The following CSNK2A2IP variants were observed in gnomAD, a reference collection of about 807,000 sequenced individuals.
The protein encoded by CSNK2A2IP is casein kinase 2 subunit alpha' interacting protein.
the CSNK2A2IP span, among the ~76,000 whole-genome samples, chr3:88,349,082 T>G: frequency 6.6e-6 from 1 of 152,158 alleles, no homozygotes; most frequent in African/African-American, 2.4e-5. Flanking sequence ...TCTCCCCCTT[T>G]CCATTCTTTT....
chr3:88,385,731 T>C, the CSNK2A2IP span, among the ~76,000 whole-genome samples: 3 of 152,326 alleles, frequency 2.0e-5, no homozygotes, highest in South Asian at 4.1e-4. Flanking sequence ...TTGAAATCTG[T>C]GGCTTTAGCT....
At chr3:88,460,726 T>A in the CSNK2A2IP span, among the ~76,000 whole-genome samples, 2 of 152,210 alleles carry the variant, frequency 1.3e-5, no homozygotes, top group Non-Finnish European at 2.9e-5. Context: ...ACTCTCTACC[T>A]CCTCAAGTGT....
the CSNK2A2IP span, among the ~76,000 whole-genome samples, chr3:88,359,765 A>T: frequency 6.6e-6 from 1 of 152,124 alleles, no homozygotes; most frequent in East Asian, 1.9e-4. Flanking sequence ...TTTTTTAAAG[A>T]TGTTTTTTGT....
the CSNK2A2IP span, among the ~76,000 whole-genome samples, chr3:88,371,130 A>G: frequency 1.3e-5 from 2 of 151,856 alleles, no homozygotes; most frequent in African/African-American, 2.4e-5. Context: ...TGCAACAAGA[A>G]ATTACTAGCC....
At chr3:88,351,502 C>A in the CSNK2A2IP span, among the ~76,000 whole-genome samples, 3 of 151,948 alleles carry the variant, frequency 2.0e-5, no homozygotes, top group Non-Finnish European at 4.4e-5. Flanking sequence ...TGATCCCATC[C>A]CACTATCTAG....
the CSNK2A2IP span, among the ~76,000 whole-genome samples, chr3:88,429,326 T>C: frequency 3.3e-5 from 5 of 152,122 alleles, no homozygotes; most frequent in Non-Finnish European, 7.4e-5. Flanking sequence ...TTCATATAGA[T>C]GTTATTTACT....
the CSNK2A2IP span, among the ~76,000 whole-genome samples, chr3:88,459,060 AAG>A: frequency 6.6e-6 from 1 of 152,160 alleles, no homozygotes; most frequent in Non-Finnish European, 1.5e-5. Flanking sequence ...ATTAATGAAA[AAG>A]AGTTATTGCA....
At chr3:88,444,777 G>T in the CSNK2A2IP span, among the ~76,000 whole-genome samples, 8 of 152,172 alleles carry the variant, frequency 5.3e-5, no homozygotes, top group South Asian at 4.1e-4. Flanking sequence ...TCCATTGGAG[G>T]CTACGTTCTT....
chr3:88,346,210 G>T, the CSNK2A2IP span, among the ~76,000 whole-genome samples: 12 of 151,968 alleles, frequency 7.9e-5, no homozygotes, highest in African/African-American at 2.7e-4. Context: ...TTGGTTATAA[G>T]ATTCAAGGAA....
the CSNK2A2IP span, among the ~76,000 whole-genome samples, chr3:88,422,091 G>A: frequency 6.6e-6 from 1 of 152,018 alleles, no homozygotes; most frequent in African/African-American, 2.4e-5. Context: ...TCTGATCTAT[G>A]TTCCTTTTAA....
At chr3:88,343,833 C>T in the CSNK2A2IP span, among the ~76,000 whole-genome samples, 1 of 151,788 alleles carries the variant, frequency 6.6e-6, no homozygotes, top group Non-Finnish European at 1.5e-5. Context: ...GCAATGTGCT[C>T]TTCAAAGCTA....
chr3:88,361,428 A>T, the CSNK2A2IP span, among the ~76,000 whole-genome samples: 2 of 152,160 alleles, frequency 1.3e-5, no homozygotes, highest in African/African-American at 4.8e-5. Flanking sequence ...CACTTTGAAT[A>T]TGTCATTCCA....
chr3:88,346,396 T>C, the CSNK2A2IP span, among the ~76,000 whole-genome samples: 1 of 152,028 alleles, frequency 6.6e-6, no homozygotes, highest in Admixed American at 6.6e-5. Flanking sequence ...AGGGCTTTCA[T>C]ATCTACAAAG....
At chr3:88,339,651 G>GT in the CSNK2A2IP span, among the ~76,000 whole-genome samples, 1 of 152,078 alleles carries the variant, frequency 6.6e-6, no homozygotes, top group African/African-American at 2.4e-5. Flanking sequence ...ACTGGTGTAC[G>GT]TAAGTAATGA....
chr3:88,368,469 A>G, the CSNK2A2IP span, among the ~76,000 whole-genome samples: 1 of 152,010 alleles, frequency 6.6e-6, no homozygotes. Flanking sequence ...AGACAGACAA[A>G]TTAAGATTTG....
At chr3:88,350,659 G>C in the CSNK2A2IP span, among the ~76,000 whole-genome samples, 1 of 150,060 alleles carries the variant, frequency 6.7e-6, no homozygotes, top group Non-Finnish European at 1.5e-5. Flanking sequence ...AAAGAGAAGC[G>C]TATCAGACTA....
the CSNK2A2IP span, among the ~76,000 whole-genome samples, chr3:88,419,427 G>A: frequency 0.016 from 2,451 of 152,232 alleles, 31 homozygotes; most frequent in Non-Finnish European, 0.027. Context: ...TGCTGCAAAG[G>A]ACATGATTTC....
the CSNK2A2IP span, among the ~76,000 whole-genome samples, chr3:88,400,313 C>T: frequency 2.2e-4 from 33 of 152,196 alleles, 1 homozygote; most frequent in South Asian, 6.8e-3. Flanking sequence ...GCTGAATGAT[C>T]CTTTTTAGTT....
the CSNK2A2IP span, among the ~76,000 whole-genome samples, chr3:88,365,161 A>G: frequency 1.3e-5 from 2 of 152,222 alleles, no homozygotes; most frequent in Non-Finnish European, 2.9e-5. Context: ...AAATAGATCA[A>G]AATATACAAG....
Sources: allele counts gnomAD v4.1 joint callset (sites outside exome capture counted in the v4.1 genomes callset), GRCh38; gene constraint gnomAD v4.1.1; transcripts MANE v1.5; gene names NCBI Gene and HGNC (gene_info 2026-07-23, HGNC 2026-07-21).